FMN2: variants seen among roughly 807,000 people sequenced by gnomAD.
The protein encoded by FMN2 is formin-2.
A neutral mutation model predicts 142.3 loss-of-function variants in FMN2; 51 were observed. The observed-to-expected ratio is 0.36, with a 90% confidence interval of 0.29 to 0.45. FMN2 has a LOEUF of 0.45. Among genes scored for constraint, FMN2 ranks in the 20% least tolerant of loss-of-function variants. The pLI is 1.00. For missense variants in FMN2, 1,936 were observed against 2,122.8 expected (o/e 0.91, Z 1.73); for synonymous variants, 882 against 869.8 (o/e 1.01, Z -0.25).
At chr1:240,389,812 GC>G (rs1673543494) in intron 14 of FMN2, among the ~76,000 whole-genome samples, 1 of 152,064 alleles carries the variant, frequency 6.6e-6, no homozygotes, top group African/African-American at 2.4e-5. Context: ...GAAAAATTTA[GC>G]CAGGTGTGTT....
intron 2 of FMN2, chr1:240,170,654 C>A (rs1664662799): frequency 7.0e-6 from 11 of 1,571,674 alleles, no homozygotes; most frequent in African/African-American, 1.3e-5. Flanking sequence ...AAAATAGATT[C>A]TTTAGCACCT....
At chr1:240,245,719 A>G (rs1194189552) in intron 6 of FMN2, among the ~76,000 whole-genome samples, 4 of 152,170 alleles carry the variant, frequency 2.6e-5, no homozygotes, top group African/African-American at 4.8e-5. Flanking sequence ...TTTCTCATGG[A>G]GAAATCTAGG....
chr1:240,330,661 A>G lies in FMN2; in HGVS notation c.4496A>G (p.Asn1499Ser). Residue 1499 changes from asparagine to serine, a missense_variant, in exon 11 of 18, where the codon AAC becomes AGC. Asn to Ser is a conservative substitution (Grantham distance 46, BLOSUM62 1). This residue lies in a region of FMN2 where 322 missense variants were observed against 401.6 expected (regional missense o/e 0.80). Coordinates refer to ENST00000319653, the MANE Select transcript of FMN2 (RefSeq NM_020066.5). ...QVLGLVLAFG[N>S]YMNGGNKTRG... Reference sequence around the variant, plus strand: ...CTAGGTTTGGTTCTTGCCTTTGGCAACTACATGAATGGAGGAAATAAGACT... The same window carrying G: ...CTAGGTTTGGTTCTTGCCTTTGGCAGCTACATGAATGGAGGAAATAAGACT... 1.2e-6 allele frequency: 2 copies of G among 1,614,052 alleles called. No homozygotes were observed. The highest frequency in any genetic ancestry group is 1.7e-6 in the Non-Finnish European group (2 of 1,179,936).
rs1674098117 is a variant in FMN2, at chr1:240,404,905, G to GT, written c.4910+12350dup. Among the ~76,000 whole-genome samples, 3 of 152,040 alleles carry GT rather than the reference G, an allele frequency of 2.0e-5. 1 individual carries two copies. In the South Asian group the frequency reaches 6.2e-4, roughly 32 times the overall value. ...ATTTTCTGATTATGAGAATTTTAATGTTTTTTTCCAGTCTTGGTTGATAAT... is the reference window on the plus strand; with the variant it reads ...ATTTTCTGATTATGAGAATTTTAATGTTTTTTTTCCAGTCTTGGTTGATAAT... On this transcript the variant is annotated intron_variant, in intron 15 of 17. Coordinates refer to ENST00000319653, the MANE Select transcript of FMN2 (RefSeq NM_020066.5).
chr1:240,245,949 G>A (rs913554458), intron 6 of FMN2, among the ~76,000 whole-genome samples: 1 of 151,540 alleles, frequency 6.6e-6, no homozygotes, highest in Admixed American at 6.6e-5. Context: ...GGGAGGCCGT[G>A]GCGGGCGGAT....
At chr1:240,327,514 A>G (rs1178443529) in intron 8 of FMN2, among the ~76,000 whole-genome samples, 1 of 152,212 alleles carries the variant, frequency 6.6e-6, no homozygotes, top group East Asian at 1.9e-4. Flanking sequence ...TATTGAAAGA[A>G]TATTAACTTC....
At chr1:240,250,844 T>G (rs578094841) in intron 6 of FMN2, among the ~76,000 whole-genome samples, 114 of 152,282 alleles carry the variant, frequency 7.5e-4, no homozygotes, top group African/African-American at 2.6e-3. Context: ...AATTTATTCA[T>G]TTCCTCTAGA....
At chr1:240,199,995 G>A (rs1373868986) in intron 4 of FMN2, among the ~76,000 whole-genome samples, 1 of 152,182 alleles carries the variant, frequency 6.6e-6, no homozygotes, top group African/African-American at 2.4e-5. Context: ...TCTGAAAACT[G>A]TAGAAGGCTA....
chr1:240,134,330 C>G (rs986939407), intron 2 of FMN2, among the ~76,000 whole-genome samples: 1 of 152,028 alleles, frequency 6.6e-6, no homozygotes, highest in African/African-American at 2.4e-5. Flanking sequence ...ATCTTGAAAA[C>G]ACTTGGACTG....
intron 6 of FMN2, among the ~76,000 whole-genome samples, chr1:240,240,320 T>C (rs1416385638): frequency 6.6e-6 from 1 of 152,204 alleles, no homozygotes; most frequent in Non-Finnish European, 1.5e-5. Flanking sequence ...GTGGTACCTG[T>C]TTCACTGGAT....
At chr1:240,108,719 G>C (rs1661700376) in intron 1 of FMN2, among the ~76,000 whole-genome samples, 1 of 152,110 alleles carries the variant, frequency 6.6e-6, no homozygotes, top group Non-Finnish European at 1.5e-5. Flanking sequence ...CAACTGTCTT[G>C]TTCATCCTTC....
In FMN2 at chr1:240,092,681, A is replaced by G; in HGVS notation, c.572A>G (p.Glu191Gly). The G allele has an allele frequency of 6.2e-7, 1 of 1,614,038 alleles. No homozygotes were observed. The highest frequency in any genetic ancestry group is 8.5e-7 in the Non-Finnish European group (1 of 1,179,976). ...ATCTATAGCTTCCATTCGGCTACGG[A>G]GCAAGAGGATTTGCTTTCAGACATC... ...TDIYSFHSAT[E>G]QEDLLSDIQQ... Residue 191 changes from glutamate (E) to glycine (G), a missense_variant, in exon 1 of 18, where the codon GAG becomes GGG. Coordinates refer to ENST00000319653, the MANE Select transcript of FMN2 (RefSeq NM_020066.5).
At position 240,207,101 on chromosome 1, in the gene FMN2, G is replaced by A; in HGVS notation, c.2289G>A (p.Leu763=). 1 of 1,614,072 alleles carries A rather than the reference G, an allele frequency of 6.2e-7. No homozygotes were observed. The highest frequency in any genetic ancestry group is 8.5e-7 in the Non-Finnish European group (1 of 1,179,976). ...TGACACTGCCTCCTGTGGATGGGCT[G>A]CCAGGGCGTCCTCCATGCCCCCCTG... ...GVLTLPPVDG[L]PGRPPCPPGA... Residue 763 remains leucine, a synonymous_variant, in exon 5 of 18, where the codon CTG becomes CTA. Coordinates refer to ENST00000319653, the MANE Select transcript of FMN2 (RefSeq NM_020066.5).
At chr1:240,407,273 G>A (rs1013016751) in intron 15 of FMN2, among the ~76,000 whole-genome samples, 6 of 152,044 alleles carry the variant, frequency 3.9e-5, no homozygotes, top group African/African-American at 1.5e-4. Context: ...GAGTAGCTGC[G>A]ATTACAGGCG....
At chr1:240,366,186 C>T (rs1041143397) in intron 14 of FMN2, among the ~76,000 whole-genome samples, 1 of 152,186 alleles carries the variant, frequency 6.6e-6, no homozygotes, top group African/African-American at 2.4e-5. Flanking sequence ...ACACCCAGCT[C>T]ACAGAATAGA....
intron 14 of FMN2, among the ~76,000 whole-genome samples, chr1:240,367,082 C>T (rs2103063661): frequency 6.6e-6 from 1 of 152,236 alleles, no homozygotes; most frequent in East Asian, 1.9e-4. Flanking sequence ...CTTACCAGCA[C>T]CGAGTTCTTT....
intron 1 of FMN2, among the ~76,000 whole-genome samples, chr1:240,103,924 T>G (rs1294250838): frequency 2.6e-5 from 4 of 151,910 alleles, no homozygotes; most frequent in Middle Eastern, 3.2e-3. Flanking sequence ...ATCCCCAGGC[T>G]GGAGTGCAGT....
At chr1:240,444,932 A>G (rs1675754771) in intron 16 of FMN2, among the ~76,000 whole-genome samples, 1 of 152,244 alleles carries the variant, frequency 6.6e-6, no homozygotes, top group African/African-American at 2.4e-5. Context: ...CGTAAGTGAA[A>G]CTGCCTCTTG....
intron 2 of FMN2, among the ~76,000 whole-genome samples, chr1:240,128,283 A>G (rs572231870): frequency 6.6e-6 from 1 of 152,136 alleles, no homozygotes; most frequent in African/African-American, 2.4e-5. Context: ...TTTGGGTCAT[A>G]TGCATATTTT....
Sources: gnomAD v4.1 joint callset for allele counts (sites outside exome capture counted in the v4.1 genomes callset) on GRCh38, gnomAD v4.1.1 for gene constraint, gnomAD v4.1.1 regional missense constraint, MANE v1.5 for transcripts, NCBI Gene and HGNC (gene_info 2026-07-23, HGNC 2026-07-21) for gene names.